The following CYP11B1 variants were observed in gnomAD, a reference collection of about 807,000 sequenced individuals.
CYP11B1 encodes the protein cytochrome P450 11B1, mitochondrial.
A neutral mutation model predicts 48.3 loss-of-function variants in CYP11B1; 34 were observed. The observed-to-expected ratio is 0.70, with a 90% confidence interval of 0.54 to 0.94. The LOEUF (loss-of-function observed/expected upper bound fraction) is 0.94, where lower values mean the gene tolerates loss of function less well. CYP11B1 is among the 40% of genes least tolerant of loss of function. The pLI, the probability that CYP11B1 is intolerant of heterozygous loss-of-function variation, is 0.00. For missense variants in CYP11B1, 688 were observed against 657.4 expected, an observed-to-expected ratio of 1.05 and a Z score of -0.51; for synonymous variants, 291 against 262.5, an observed-to-expected ratio of 1.11 and a Z score of -1.05.
Position 142,873,176 on chromosome 8 carries a change from C to T in CYP11B1, c.*1197G>A, listed in dbSNP as rs1306855583. On this transcript the variant is annotated 3_prime_UTR_variant, in exon 9 of 9. Coordinates refer to ENST00000292427, the MANE Select transcript of CYP11B1 (RefSeq NM_000497.4). ...AGTCCTGCAGGGCGTCCTGGATCTA[C>T]TGACCACCACTGGAATGATGCCATA... 6.6e-6 allele frequency: 1 copy of T among 152,276 alleles called. No homozygotes were observed. Among genetic ancestry groups the T allele is most frequent in the Non-Finnish European group, 1.5e-5 (1 of 68,078 alleles). The allele number at this position is 152,276 out of a possible 1,614,324, so 9.4% of individuals were successfully genotyped here.
In CYP11B1 at chr8:142,873,430, G is replaced by A. The variant is rs1586555679; in HGVS notation, c.*943C>T. 6.6e-6 allele frequency: 1 copy of A among 152,262 alleles called. No homozygotes were observed. The highest frequency in any genetic ancestry group is 2.4e-5 in the African/African-American group (1 of 41,454). The allele number at this position is 152,262 out of a possible 1,614,324, so 9.4% of individuals were successfully genotyped here. The stretch of plus-strand genomic sequence containing the variant: ...TAGGAGCAGATGAGGCCCAAGGCAG[G>A]TTCACGCAGGAAACTGCAGCCTCCC... On this transcript the variant is annotated 3_prime_UTR_variant, in exon 9 of 9. Coordinates refer to ENST00000292427, the MANE Select transcript of CYP11B1 (RefSeq NM_000497.4).
chr8:142,879,445 CT>C, intron 1 of CYP11B1, 129 bp downstream of exon 1: 1 of 1,613,720 alleles, frequency 6.2e-7, no homozygotes, highest in South Asian at 1.1e-5. Context: ...TGCTGCACTC[CT>C]TCCCCATCTT....
Position 142,875,311 on chromosome 8 carries a change from G to T in CYP11B1, c.1123C>A (p.Leu375Ile), listed in dbSNP as rs764996968. The T allele has an allele frequency of 8.1e-6, 13 of 1,612,394 alleles. No homozygotes were observed. Among genetic ancestry groups the T allele is most frequent in the Non-Finnish European group, 1.1e-5 (13 of 1,179,790 alleles). The stretch of plus-strand genomic sequence containing the variant: ...TCCAGAAACAGACCCACAGGGTAGA[G>T]CCTGGAGGTGGGGGCATCCATAGAA... ...LRAALKETLRLYPVGLFLERV... is the reference protein window; with the variant it reads ...LRAALKETLRIYPVGLFLERV... Residue 375 changes from leucine (L) to isoleucine (I), a missense_variant and splice_region_variant, in exon 7 of 9, where the codon CTC becomes ATC. Physicochemically the swap from Leu to Ile is conservative, Grantham distance 5. Transcript: ENST00000292427.
In CYP11B1 at chr8:142,877,106, G is replaced by T; in HGVS notation, c.512C>A (p.Ala171Asp). ...GTTCTGCAGCACCTTCTTCTTCAGGGCCTGGGAGAAGTCCCTGGCCACTGC... is the reference window on the plus strand; with the variant it reads ...GTTCTGCAGCACCTTCTTCTTCAGGTCCTGGGAGAAGTCCCTGGCCACTGC... ...VDAVARDFSQ[A>D]LKKKVLQNAR... The change falls in exon 3 of 9, where the codon GCC (alanine) becomes GAC (aspartate). Residue 171 changes from alanine (A) to aspartate (D), a missense_variant. By Grantham distance (126) the Ala-to-Asp change is moderately radical. Transcript: ENST00000292427. 6.2e-7 allele frequency: 1 copy of T among 1,614,006 alleles called. No individual in the cohort carries two copies. Among genetic ancestry groups the T allele is most frequent in the Non-Finnish European group, 8.5e-7 (1 of 1,179,994 alleles).
chr8:142,876,257 G>A lies in CYP11B1; in HGVS notation c.938C>T (p.Ala313Val). The change falls in exon 5 of 9, where the codon GCA becomes GTA. Residue 313 changes from alanine to valine, a missense_variant. Physicochemically the swap from Ala to Val is moderately conservative, Grantham distance 64 (BLOSUM62 0). Transcript: ENST00000292427. ...CGGCCTGACCGTGTCCACGCTCCCT[G>A]CAGTGAGTTCCATAGAGTTGGCCTT... ...AIKANSMELT[A>V]GSVDTTVFPL... is the part of the protein sequence containing the mutation. 1.9e-6 allele frequency: 3 copies of A among 1,614,258 alleles called. No individual in the cohort carries two copies. The highest frequency in any genetic ancestry group is 2.5e-6 in the Non-Finnish European group (3 of 1,180,046).
At chr8:142,879,405 C>T (rs1426371193) in intron 1 of CYP11B1, 170 bp downstream of exon 1, 39 of 1,612,384 alleles carry the variant, frequency 2.4e-5, no homozygotes, top group Non-Finnish European at 3.3e-5. Flanking sequence ...TGCACCATCC[C>T]CTGCCCTGGC....
Position 142,877,221 on chromosome 8 carries a change from T to C in CYP11B1, c.397A>G (p.Asn133Asp), listed in dbSNP as rs104894067. ...CGGTTGAAGCGCCATTCAGGCCCATTCCTACAGAGGCCAGGGCAGAGCTTG... is the reference window on the plus strand; with the variant it reads ...CGGTTGAAGCGCCATTCAGGCCCATCCCTACAGAGGCCAGGGCAGAGCTTG... ...RGHKCGVFLL[N>D]GPEWRFNRLR... Residue 133 changes from asparagine (N) to aspartate (D), a missense_variant and splice_region_variant, in exon 3 of 9, where the codon AAT (asparagine) becomes GAT (aspartate). Transcript: ENST00000292427. 1 of 1,611,724 alleles carries C rather than the reference T, an allele frequency of 6.2e-7. No individual in the cohort carries two copies. Among genetic ancestry groups the C allele is most frequent in the African/African-American group, 1.3e-5 (1 of 74,858 alleles).
chr8:142,876,545 C>G, intron 4 of CYP11B1, 137 bp downstream of exon 4: 1 of 1,548,418 alleles, frequency 6.5e-7, no homozygotes, highest in Non-Finnish European at 8.7e-7. Context: ...CAGCCTCGCA[C>G]CAATCTCCCT....
chr8:142,877,039 G>A lies in CYP11B1; in HGVS notation c.579C>T (p.Phe193=). The A allele has an allele frequency of 6.2e-7, 1 of 1,613,594 alleles. No homozygotes were observed. The highest frequency in any genetic ancestry group is 1.1e-5 in the South Asian group (1 of 91,000). Residue 193 remains phenylalanine (F), a synonymous_variant, in exon 3 of 9, where the codon TTC becomes TTT. Transcript: ENST00000292427. Reference sequence around the variant, plus strand: ...GGCCCACACCTTCTATGGTGTAGTGGAAGATGCTGGGCTGGACGTCCAGGG... The same window carrying A: ...GGCCCACACCTTCTATGGTGTAGTGAAAGATGCTGGGCTGGACGTCCAGGG... ...SLTLDVQPSI[F]HYTIEASNLA...
rs12543598 is a variant in CYP11B1 at position 142,873,902 on chromosome 8, T to G, written c.*471A>C. On this transcript the variant is annotated 3_prime_UTR_variant, in exon 9 of 9. Coordinates refer to ENST00000292427, the MANE Select transcript of CYP11B1 (RefSeq NM_000497.4). Reference sequence around the variant, plus strand: ...AGGGCATGCTCGAGCTGCCTAGGGGTCAGGCTGCAGGAGGGAACTTGACTG... The same window carrying G: ...AGGGCATGCTCGAGCTGCCTAGGGGGCAGGCTGCAGGAGGGAACTTGACTG... 155,588 of 236,862 alleles carry G rather than the reference T, an allele frequency of 0.66. 52,443 individuals carry two copies. The highest frequency in any genetic ancestry group is 0.84 in the East Asian group (9,244 of 10,958). 14.7% of individuals were successfully genotyped at this position (236,862 alleles called of 1,614,324 possible).
In CYP11B1 at chr8:142,874,886, C is replaced by T. The variant is rs537209845; in HGVS notation, c.1398+71G>A. 2.5e-5 allele frequency: 40 copies of T among 1,581,432 alleles called. No homozygotes were observed. In the Admixed American group the frequency reaches 5.1e-4, roughly 20 times the overall value. On this transcript the variant is annotated intron_variant, in intron 8 of 8. Transcript: ENST00000292427. The stretch of plus-strand genomic sequence containing the variant: ...CACTCCCACTCTGCCGAGGCCAGTC[C>T]CACATTGCTCAAGCCCCGCCCATGC...
Position 142,875,154 on chromosome 8 carries a change from T to C in CYP11B1, c.1201A>G (p.Thr401Ala), listed in dbSNP as rs201300785. Residue 401 changes from threonine to alanine, a missense_variant and splice_region_variant, in exon 8 of 9, where the codon ACA becomes GCA. Thr to Ala is a moderately conservative substitution (Grantham distance 58, BLOSUM62 0). Coordinates refer to ENST00000292427, the MANE Select transcript of CYP11B1 (RefSeq NM_000497.4). ...GAGTAGAGGAACACGCGCACCAATG[T>C]CTGCGGACGGTGCAGAGCGGGGATC... The part of the protein sequence containing the change: ...VLQNYHIPAG[T>A]LVRVFLYSLG... The C allele has an allele frequency of 1.4e-5, 22 of 1,614,172 alleles. 1 individual carries two copies. The African/African-American group carries it at 2.3e-4, about 17-fold the overall frequency.
rs1817080604 is a variant in CYP11B1 at position 142,879,574 on chromosome 8, C to T, written c.239+1G>A. The T allele has an allele frequency of 2.5e-6, 4 of 1,614,202 alleles. No homozygotes were observed. Among genetic ancestry groups the T allele is most frequent in the Non-Finnish European group, 3.4e-6 (4 of 1,180,036 alleles). ...CCAGCGAGGGCCAGGGAGGGCTTTACCTGAAAATGGGCCCTAGTTCCTGGA... is the reference window on the plus strand; with the variant it reads ...CCAGCGAGGGCCAGGGAGGGCTTTATCTGAAAATGGGCCCTAGTTCCTGGA... On this transcript the variant is annotated splice_donor_variant, in intron 1 of 8. Transcript: ENST00000292427. LOFTEE classifies it high-confidence loss of function.
At chr8:142,876,948 C>T in intron 3 of CYP11B1, 63 bp from the exon 4 acceptor site, 1 of 1,612,762 alleles carries the variant, frequency 6.2e-7, no homozygotes, top group South Asian at 1.1e-5. Context: ...CCTCCCCACA[C>T]TCCCTTCAGT....
chr8:142,876,363 G>T lies in CYP11B1; in HGVS notation c.832C>A (p.Leu278Met). 6.2e-7 allele frequency: 1 copy of T among 1,614,172 alleles called. No individual in the cohort carries two copies. Among genetic ancestry groups the T allele is most frequent in the Non-Finnish European group, 8.5e-7 (1 of 1,179,992 alleles). The change falls in exon 5 of 9, where the codon CTG becomes ATG. Residue 278 changes from leucine (L) to methionine (M), a missense_variant. Leu to Met is a conservative substitution (Grantham distance 15). Coordinates refer to ENST00000292427, the MANE Select transcript of CYP11B1 (RefSeq NM_000497.4). ...TACTGTTGAGGGCGGCTGAAGGCCA[G>T]TTCCTGATAGATTTTCTGGATACAG... ...DNCIQKIYQE[L>M]AFSRPQQYTS...
chr8:142,878,076 A>G (rs1563870275), intron 2 of CYP11B1, among the ~76,000 whole-genome samples: 1 of 152,108 alleles, frequency 6.6e-6, no homozygotes, highest in Non-Finnish European at 1.5e-5. Context: ...GCACACACGC[A>G]TGCACACACA....
chr8:142,875,277 G>A lies in CYP11B1; in HGVS notation c.1157C>T (p.Ala386Val), dbSNP rs4541. 0.041 allele frequency: 65,593 copies of A among 1,603,440 alleles called. 6,424 individuals are homozygous for A. In the East Asian group the frequency reaches 0.43, roughly 11 times the overall value. The change falls in exon 7 of 9, where the codon GCG becomes GTG. Residue 386 changes from alanine (A) to valine (V), a missense_variant. By Grantham distance (64) the Ala-to-Val change is moderately conservative (BLOSUM62 0). Transcript: ENST00000292427. ...YPVGLFLERVASSDLVLQNYH... is the reference protein window; with the variant it reads ...YPVGLFLERVVSSDLVLQNYH... Reference sequence around the variant, plus strand: ...GTTCTGAAGCACCAAGTCTGAGCTCGCCACTCGCTCCAGAAACAGACCCAC... The same window carrying A: ...GTTCTGAAGCACCAAGTCTGAGCTCACCACTCGCTCCAGAAACAGACCCAC...
chr8:142,875,486 G>C, intron 6 of CYP11B1, 174 bp from the exon 7 acceptor site: 2 of 1,062,262 alleles, frequency 1.9e-6, no homozygotes, highest in Non-Finnish European at 2.8e-6. Context: ...AACTTAAGCA[G>C]CCCCGAGCGC....
At chr8:142,874,879 G>A in intron 8 of CYP11B1, 78 bp downstream of exon 8, 1 of 1,556,258 alleles carries the variant, frequency 6.4e-7, no homozygotes, top group Non-Finnish European at 8.8e-7. Context: ...CTCTGCCGAG[G>A]CCAGTCCCAC....
Sources: gnomAD v4.1 joint callset for allele counts (sites outside exome capture counted in the v4.1 genomes callset) on GRCh38, gnomAD v4.1.1 for gene constraint, MANE v1.5 for transcripts, NCBI Gene and HGNC (gene_info 2026-07-23, HGNC 2026-07-21) for gene names.